Variants in OXR1 observed in about 807,000 individuals in gnomAD.
The protein encoded by OXR1 is oxidation resistance protein 1.
Under a neutral mutation model 104.6 loss-of-function variants are expected in OXR1, and 41 were observed. The ratio of observed to expected loss-of-function variants is 0.39; its 90% CI spans 0.31 to 0.51. The LOEUF (loss-of-function observed/expected upper bound fraction) is 0.51, where lower values mean the gene tolerates loss of function less well. OXR1 is among the 20% of genes least tolerant of loss of function. The pLI is 0.77. For synonymous variants in OXR1, 348 were observed against 348.4 expected (o/e 1.00, Z 0.01); for missense variants, 955 against 1,031.9 (o/e 0.93, Z 1.02).
At position 106,499,168 on chromosome 8, in the gene OXR1, C is replaced by CAAA. The variant is rs71307063; in HGVS notation, c.24-19752_24-19750dup. On this transcript the variant is annotated intron_variant, in intron 2 of 16. Coordinates refer to ENST00000517566, the MANE Select transcript of OXR1 (RefSeq NM_001198533.2). ...TGGGCGACAGAGCGAGACTCCGTCTCAAAAAAAAAAAAAAAAAAAAAAAAA... is the reference window on the plus strand; with the variant it reads ...TGGGCGACAGAGCGAGACTCCGTCTCAAAAAAAAAAAAAAAAAAAAAAAAAAAA... Among the ~76,000 whole-genome samples the CAAA allele has an allele frequency of 6.5e-3, 50 of 7,668 alleles. 9 individuals carry two copies. The highest frequency in any genetic ancestry group is 7.4e-3 in the Non-Finnish European group (33 of 4,442). The allele number at this position is 7,668 out of a possible 152,430, so 5.0% of individuals were successfully genotyped here. A position where few individuals can be genotyped will look rare whatever the true frequency, so the allele number is the denominator to read the frequency against.
At chr8:106,316,717 CATCTATCT>C (rs71307053) in intron 1 of OXR1, among the ~76,000 whole-genome samples, 16,020 of 118,206 alleles carry the variant, frequency 0.14, 1,320 homozygotes, top group East Asian at 0.2. Context: ...ATCTATCTAT[CATCTATCT>C]ATCTATCTAT....
intron 3 of OXR1, among the ~76,000 whole-genome samples, chr8:106,639,655 C>A (rs1346912660): frequency 6.6e-6 from 1 of 152,112 alleles, no homozygotes; most frequent in Admixed American, 6.5e-5. Flanking sequence ...TAAGGCAGAT[C>A]TCTCAATAGG....
chr8:106,649,222 C>T (rs568184605), intron 3 of OXR1, among the ~76,000 whole-genome samples: 1 of 151,896 alleles, frequency 6.6e-6, no homozygotes, highest in East Asian at 1.9e-4. Context: ...AAAACAACAA[C>T]AACAACAACA....
chr8:106,419,212 CCT>C (rs1818804513), intron 2 of OXR1, among the ~76,000 whole-genome samples: 1 of 152,056 alleles, frequency 6.6e-6, no homozygotes, highest in Non-Finnish European at 1.5e-5. Flanking sequence ...TGCATCTTAC[CCT>C]GACGAAGCAT....
At chr8:106,655,211 A>C (rs1265896472) in intron 3 of OXR1, among the ~76,000 whole-genome samples, 4 of 152,130 alleles carry the variant, frequency 2.6e-5, no homozygotes, top group Admixed American at 6.6e-5. Flanking sequence ...CAAAGATTAC[A>C]TTTTGATGAT....
At chr8:106,691,971 G>A (rs1829334152) in intron 6 of OXR1, among the ~76,000 whole-genome samples, 1 of 131,624 alleles carries the variant, frequency 7.6e-6, no homozygotes, top group African/African-American at 3.4e-5. Context: ...ATATGTGTGT[G>A]TGTGTCTATA....
At chr8:106,649,356 C>T (rs1366836823) in intron 3 of OXR1, among the ~76,000 whole-genome samples, 1 of 151,598 alleles carries the variant, frequency 6.6e-6, no homozygotes, top group Non-Finnish European at 1.5e-5. Context: ...AGGATATACA[C>T]AAAGCTGTGG....
intron 3 of OXR1, among the ~76,000 whole-genome samples, chr8:106,529,828 A>G (rs572320091): frequency 4.5e-4 from 68 of 152,314 alleles, no homozygotes; most frequent in African/African-American, 1.6e-3. Flanking sequence ...TATATCTGTC[A>G]ATTTATTTAA....
chr8:106,708,528 A>G (rs1335546218), intron 9 of OXR1, among the ~76,000 whole-genome samples: 1 of 152,172 alleles, frequency 6.6e-6, no homozygotes, highest in African/African-American at 2.4e-5. Flanking sequence ...GAGTCATACA[A>G]TATTTATCCA....
At chr8:106,664,286 A>T (rs1335731328) in intron 3 of OXR1, among the ~76,000 whole-genome samples, 1 of 152,208 alleles carries the variant, frequency 6.6e-6, no homozygotes, top group Non-Finnish European at 1.5e-5. Context: ...ATGCAACAGA[A>T]TCATCTCCTG....
intron 1 of OXR1, among the ~76,000 whole-genome samples, chr8:106,306,696 C>G (rs990660162): frequency 6.6e-5 from 10 of 152,068 alleles, no homozygotes; most frequent in African/African-American, 2.4e-4. Flanking sequence ...TTATCAATTT[C>G]TAGAACAGAC....
In OXR1 at chr8:106,591,298, G is replaced by A. The variant is rs1423420424; in HGVS notation, c.220+72159G>A. Among the ~76,000 whole-genome samples, 6 of 96,922 alleles carry A rather than the reference G, an allele frequency of 6.2e-5. No homozygotes were observed. The East Asian group carries it at 1.9e-3, about 31-fold the overall frequency. The allele number at this position is 96,922 out of a possible 152,430, so 63.6% of individuals were successfully genotyped here. On this transcript the variant is annotated intron_variant, in intron 3 of 16. Transcript: ENST00000517566. The stretch of plus-strand genomic sequence containing the variant: ...ACTGGGGACTGTTGTGGGGTGGGGG[G>A]AGGGGGGAGGGGGGAGGGATAGCAT...
At chr8:106,394,828 G>A (rs1029985568) in intron 2 of OXR1, among the ~76,000 whole-genome samples, 3 of 152,062 alleles carry the variant, frequency 2.0e-5, no homozygotes, top group Admixed American at 1.3e-4. Flanking sequence ...TACTTGGGTG[G>A]CAGAAATATG....
chr8:106,674,566 G>A (rs1827372440), intron 3 of OXR1, among the ~76,000 whole-genome samples: 2 of 152,132 alleles, frequency 1.3e-5, no homozygotes, highest in Admixed American at 6.5e-5. Context: ...AGGCATGATT[G>A]GCTTTGAAAT....
At chr8:106,577,806 G>A (rs1441232150) in intron 3 of OXR1, among the ~76,000 whole-genome samples, 2 of 152,176 alleles carry the variant, frequency 1.3e-5, no homozygotes, top group Non-Finnish European at 2.9e-5. Context: ...CCAGAAGGAA[G>A]CTGCAAGGCC....
intron 2 of OXR1, among the ~76,000 whole-genome samples, chr8:106,454,317 C>T (rs1820481001): frequency 6.6e-6 from 1 of 151,770 alleles, no homozygotes. Context: ...AAAAATTAGC[C>T]AGGCGTGGTG....
chr8:106,284,000 C>G (rs1252142392), intron 1 of OXR1, among the ~76,000 whole-genome samples: 3 of 152,108 alleles, frequency 2.0e-5, no homozygotes, highest in East Asian at 3.9e-4. Flanking sequence ...CTTTGACCAG[C>G]CTCTTCCCAA....
intron 1 of OXR1, among the ~76,000 whole-genome samples, chr8:106,320,681 G>A (rs1279304364): frequency 1.3e-5 from 1 of 75,260 alleles, no homozygotes; most frequent in Non-Finnish European, 2.4e-5. Context: ...TCTTTTTTTG[G>A]GGGGGGCGGG....
chr8:106,326,430 A>G (rs1255508015), intron 1 of OXR1, among the ~76,000 whole-genome samples: 3 of 152,242 alleles, frequency 2.0e-5, no homozygotes, highest in Admixed American at 1.3e-4. Flanking sequence ...TTGTTTTCCA[A>G]GCTAAATTCT....
Sources: gnomAD v4.1 joint callset for allele counts (sites outside exome capture counted in the v4.1 genomes callset) on GRCh38, gnomAD v4.1.1 for gene constraint, MANE v1.5 for transcripts, NCBI Gene and HGNC (gene_info 2026-07-23, HGNC 2026-07-21) for gene names.